The following CAPN14 variants were observed in gnomAD, a reference collection of about 807,000 sequenced individuals.
CAPN14 encodes the protein calpain 14.
Under a neutral mutation model 101.3 loss-of-function variants are expected in CAPN14, and 94 were observed. The observed-to-expected ratio is 0.93, with a 90% CI of 0.79 to 1.10. The LOEUF is 1.10. Ranked by LOEUF, CAPN14 falls within the 50% of genes least tolerant of loss-of-function variation. The probability of loss-of-function intolerance (pLI) is 0.00; values close to 1 mark genes in which losing one functional copy is unlikely to be tolerated. For missense variants in CAPN14, 837 were observed against 828.4 expected (o/e 1.01, Z -0.13); for synonymous variants, 338 against 317.9 (o/e 1.06, Z -0.67).
intron 1 of CAPN14, among the ~76,000 whole-genome samples, chr2:31,207,890 T>C (rs1286896128): frequency 6.6e-6 from 1 of 152,230 alleles, no homozygotes; most frequent in African/African-American, 2.4e-5. Flanking sequence ...CAGTGACCAG[T>C]TGGTGGAGTG....
chr2:31,194,577 A>C, intron 8 of CAPN14, 94 bp from the exon 9 acceptor site: 2 of 818,782 alleles, frequency 2.4e-6, no homozygotes, highest in Non-Finnish European at 4.0e-6. Context: ...TATTATTTTC[A>C]TACTACCTCA....
chr2:31,196,260 T>G (rs763330024), intron 8 of CAPN14, among the ~76,000 whole-genome samples: 16 of 152,230 alleles, frequency 1.1e-4, no homozygotes, highest in Admixed American at 3.9e-4. Flanking sequence ...ATCACACAGC[T>G]AGAAAGTAAC....
intron 5 of CAPN14, among the ~76,000 whole-genome samples, chr2:31,201,639 T>A (rs2148690250): frequency 6.6e-6 from 1 of 152,262 alleles, no homozygotes; most frequent in South Asian, 2.1e-4. Flanking sequence ...AGAGCTCCTA[T>A]CCCCCTTAAT....
chr2:31,180,439 G>A (rs2148672540), intron 17 of CAPN14, among the ~76,000 whole-genome samples: 1 of 152,302 alleles, frequency 6.6e-6, no homozygotes, highest in East Asian at 1.9e-4. Context: ...TAGAAAAATT[G>A]CAGGGCTGAG....
Position 31,178,556 on chromosome 2 carries a change from G to A in CAPN14, c.1734C>T (p.Ser578=). ...TCCACAGGTCCCTGAATTCCTGGAT[G>A]CTCATAGTACCTGATGCATTAAGCT... ...LLDLNASGTM[S]IQEFRDLWKQ... The change falls in exon 18 of 22, where the codon AGC becomes AGT. Residue 578 remains serine, a synonymous_variant. Transcript: ENST00000403897. The A allele has an allele frequency of 1.3e-6, 2 of 1,548,526 alleles. No individual in the cohort carries two copies.
At chr2:31,194,275 G>GCTC in intron 9 of CAPN14, 134 bp downstream of exon 9, 1 of 661,940 alleles carries the variant, frequency 1.5e-6, no homozygotes, top group South Asian at 1.7e-5. Context: ...TAGACCGTGA[G>GCTC]CTCCTAAAGG....
chr2:31,194,419 C>T lies in CAPN14; in HGVS notation c.940G>A (p.Gly314Arg), dbSNP rs767915234. Reference sequence around the variant, plus strand: ...CCCTAAGTCCAATACCAGAATTCTCCGTCATTGTCTTTCCTCAGAAGCAGA... The same window carrying T: ...CCCTAAGTCCAATACCAGAATTCTCTGTCATTGTCTTTCCTCAGAAGCAGA... ...KILLLRKDND[G>R]EFWMTLQDFK... Residue 314 changes from glycine to arginine, a missense_variant, in exon 9 of 22, where the codon GGA (glycine) becomes AGA (arginine). Physicochemically the swap from Gly to Arg is moderately radical, Grantham distance 125 (BLOSUM62 -2). Transcript: ENST00000403897. 40 of 1,550,818 alleles carry T rather than the reference C, an allele frequency of 2.6e-5. 1 individual carries two copies. Among genetic ancestry groups the T allele is most frequent in the South Asian group, 2.4e-4 (20 of 84,054 alleles).
chr2:31,197,124 C>G (rs377639817), intron 8 of CAPN14, 125 bp downstream of exon 8: 3 of 623,990 alleles, frequency 4.8e-6, no homozygotes, highest in East Asian at 2.9e-5. Flanking sequence ...TGAGCTTCCC[C>G]GTCTAAAGGC....
chr2:31,214,502 A>T (rs575789457), intron 1 of CAPN14, among the ~76,000 whole-genome samples: 2 of 152,304 alleles, frequency 1.3e-5, no homozygotes, highest in Admixed American at 6.5e-5. Flanking sequence ...GACCTAAAAG[A>T]AAAAACAAGT....
intron 2 of CAPN14, among the ~76,000 whole-genome samples, chr2:31,203,811 A>G (rs573069571): frequency 6.6e-6 from 1 of 152,262 alleles, no homozygotes; most frequent in South Asian, 2.1e-4. Context: ...AGTAGGGAAG[A>G]GAAAAGGAAA....
intron 16 of CAPN14, 88 bp from the exon 17 acceptor site, chr2:31,181,088 C>G: frequency 9.9e-7 from 1 of 1,007,530 alleles, no homozygotes; most frequent in Non-Finnish European, 1.5e-6. Context: ...GCTGCATGGG[C>G]CAGCTGATGA....
chr2:31,202,853 G>T (rs1482837992), intron 3 of CAPN14, among the ~76,000 whole-genome samples: 1 of 152,178 alleles, frequency 6.6e-6, no homozygotes, highest in African/African-American at 2.4e-5. Flanking sequence ...GACTTAGGCA[G>T]GGTATGGCAT....
intron 1 of CAPN14, among the ~76,000 whole-genome samples, chr2:31,229,008 T>C (rs1414414799): frequency 6.6e-6 from 1 of 152,216 alleles, no homozygotes; most frequent in East Asian, 1.9e-4. Flanking sequence ...AAACAAATGT[T>C]GAATGCAAGA....
Position 31,195,166 on chromosome 2 carries a change from C to T in CAPN14, c.876-683G>A, listed in dbSNP as rs904024946. 5.9e-5 allele frequency among the ~76,000 whole-genome samples: 9 copies of T among 152,026 alleles called. 1 individual carries two copies. Among genetic ancestry groups the T allele is most frequent in the Admixed American group, 5.9e-4 (9 of 15,270 alleles). ...GGGCAAAGTATCCGAAAGGAGGGGG[C>T]TACATGAAAAAAAGGAGTTCCAGGA... is the stretch of plus-strand genomic sequence containing the variant. On this transcript the variant is annotated intron_variant, in intron 8 of 21. Transcript: ENST00000403897.
chr2:31,191,430 G>GAAAAAAAAAAAAAAAAAAAAGAAA, intron 11 of CAPN14, 23 bp from the exon 12 acceptor site: 1 of 1,277,972 alleles, frequency 7.8e-7, no homozygotes, highest in Non-Finnish European at 1.0e-6. Flanking sequence ...AACAAAAACA[G>GAAAAAAAAAAAAAAAAAAAAGAAA]AAAAAAAAAA....
In CAPN14 at chr2:31,202,004, G is replaced by A. The variant is rs2148690617; in HGVS notation, c.415-6C>T. The A allele has an allele frequency of 1.3e-6, 2 of 1,551,592 alleles. No individual in the cohort carries two copies. Among genetic ancestry groups the A allele is most frequent in the Non-Finnish European group, 1.7e-6 (2 of 1,146,884 alleles). ...CAGTTCCCATAGTGCCAGAACTGGAGGGAGAGAGTGGCCCCGGGTGAATGA... is the reference window on the plus strand; with the variant it reads ...CAGTTCCCATAGTGCCAGAACTGGAAGGAGAGAGTGGCCCCGGGTGAATGA... On this transcript the variant is annotated splice_region_variant and splice_polypyrimidine_tract_variant and intron_variant, in intron 4 of 21. Transcript: ENST00000403897.
At chr2:31,228,855 C>T (rs1683103190) in intron 1 of CAPN14, among the ~76,000 whole-genome samples, 1 of 152,066 alleles carries the variant, frequency 6.6e-6, no homozygotes, top group Non-Finnish European at 1.5e-5. Flanking sequence ...AGCAAAGACA[C>T]GGGGACACCA....
At chr2:31,181,452 CT>C (rs1188286257) in intron 16 of CAPN14, among the ~76,000 whole-genome samples, 1,504 of 126,520 alleles carry the variant, frequency 0.012, 9 homozygotes, top group South Asian at 0.028. Context: ...CTTTTTCTTT[CT>C]TTTTTTCTCT....
Position 31,174,607 on chromosome 2 carries a change from G to A in CAPN14, c.*74C>T. On this transcript the variant is annotated 3_prime_UTR_variant, in exon 22 of 22. Coordinates refer to ENST00000403897, the MANE Select transcript of CAPN14 (RefSeq NM_001145122.2). Reference sequence around the variant, plus strand: ...AAGATCAGTAAGTAGGGTGGGCATGGGTTGGTCTCAGCCAAAGGCTGCTCT... The same window carrying A: ...AAGATCAGTAAGTAGGGTGGGCATGAGTTGGTCTCAGCCAAAGGCTGCTCT... The A allele has an allele frequency of 6.8e-7, 1 of 1,477,996 alleles. No homozygotes were observed. Among genetic ancestry groups the A allele is most frequent in the Non-Finnish European group, 9.2e-7 (1 of 1,081,212 alleles). 91.6% of individuals were successfully genotyped at this position (1,477,996 alleles called of 1,614,324 possible).
Sources: allele counts gnomAD v4.1 joint callset (sites outside exome capture counted in the v4.1 genomes callset), GRCh38; gene constraint gnomAD v4.1.1; transcripts MANE v1.5; gene names NCBI Gene and HGNC (gene_info 2026-07-23, HGNC 2026-07-21).